ZDHHC14: variants seen among roughly 807,000 people sequenced by gnomAD.
ZDHHC14 encodes the protein palmitoyltransferase ZDHHC14.
In ZDHHC14, 16 loss-of-function variants were observed where a neutral mutation model predicts 47.7. The observed-to-expected ratio is 0.34, with a 90% confidence interval of 0.23 to 0.51. The LOEUF (loss-of-function observed/expected upper bound fraction) is 0.51, where lower values mean the gene tolerates loss of function less well. Among genes scored for constraint, ZDHHC14 ranks in the 20% least tolerant of loss-of-function variants. The probability of loss-of-function intolerance (pLI) is 0.97; values close to 1 mark genes in which losing one functional copy is unlikely to be tolerated. For missense variants in ZDHHC14, 515 were observed against 662.5 expected (o/e 0.78, Z 2.44); for synonymous variants, 293 against 278.9 (o/e 1.05, Z -0.50).
At chr6:157,500,517 G>C (rs1378968539) in intron 1 of ZDHHC14, among the ~76,000 whole-genome samples, 1 of 152,300 alleles carries the variant, frequency 6.6e-6, no homozygotes, top group African/African-American at 2.4e-5. Flanking sequence ...GTTGAGAGAC[G>C]AGGGTGGACT....
At chr6:157,549,193 C>T (rs1038591300) in intron 2 of ZDHHC14, among the ~76,000 whole-genome samples, 2 of 152,226 alleles carry the variant, frequency 1.3e-5, no homozygotes, top group Non-Finnish European at 2.9e-5. Context: ...TGGCACTTCC[C>T]CTTCCCATGG....
chr6:157,570,752 CAT>C (rs1221021327), intron 2 of ZDHHC14, among the ~76,000 whole-genome samples: 114 of 125,206 alleles, frequency 9.1e-4, no homozygotes, highest in African/African-American at 3.7e-3. Context: ...TATGTATATA[CAT>C]ACACACACAC....
At chr6:157,661,883 G>C (rs1216356781) in intron 8 of ZDHHC14, among the ~76,000 whole-genome samples, 1 of 152,076 alleles carries the variant, frequency 6.6e-6, no homozygotes, top group Non-Finnish European at 1.5e-5. Flanking sequence ...GAGTGCAGTG[G>C]TGCAATCTTA....
chr6:157,603,829 C>A (rs9365160), intron 3 of ZDHHC14, among the ~76,000 whole-genome samples: 44,492 of 151,730 alleles, frequency 0.29, 6,996 homozygotes, highest in East Asian at 0.56. Context: ...CTGAGACATG[C>A]AGTATCCCTT....
intron 1 of ZDHHC14, among the ~76,000 whole-genome samples, chr6:157,515,457 CTTTT>C (rs1187323622): frequency 7.7e-6 from 1 of 129,446 alleles, no homozygotes; most frequent in Non-Finnish European, 1.7e-5. Flanking sequence ...TTTTCTTTTT[CTTTT>C]TTTTTTTTTT....
chr6:157,670,855 G>C (rs1306932417), intron 8 of ZDHHC14, among the ~76,000 whole-genome samples: 2 of 152,184 alleles, frequency 1.3e-5, no homozygotes, highest in Non-Finnish European at 2.9e-5. Flanking sequence ...CTTGAAGACT[G>C]CAGCCCCTCA....
At position 157,635,006 on chromosome 6, in the gene ZDHHC14, C is replaced by T. The variant is rs552690444; in HGVS notation, c.752+2124C>T. Among the ~76,000 whole-genome samples, 1,421 of 148,172 alleles carry T rather than the reference C, an allele frequency of 9.6e-3. 23 individuals carry two copies. The highest frequency in any genetic ancestry group is 0.033 in the African/African-American group (1,324 of 40,464). ...TGCTACCTGGTCTTTTTTTTTTTTT[C>T]CCCCTGAAACGGAGTCTCACTCTGT... On this transcript the variant is annotated intron_variant, in intron 5 of 8. Transcript: ENST00000359775.
At chr6:157,528,671 G>T (rs565221560) in intron 1 of ZDHHC14, among the ~76,000 whole-genome samples, 1 of 152,210 alleles carries the variant, frequency 6.6e-6, no homozygotes, top group Non-Finnish European at 1.5e-5. Context: ...GGCGGAGCTT[G>T]TAGTGAGCCG....
chr6:157,446,528 G>C (rs71551114), intron 1 of ZDHHC14, among the ~76,000 whole-genome samples: 17,024 of 151,994 alleles, frequency 0.11, 1,412 homozygotes, highest in East Asian at 0.35. Flanking sequence ...TCCTGCCTCG[G>C]CCTCCCGAAT....
intron 1 of ZDHHC14, among the ~76,000 whole-genome samples, chr6:157,444,637 C>T (rs1339162204): frequency 6.6e-6 from 1 of 151,012 alleles, no homozygotes; most frequent in Non-Finnish European, 1.5e-5. Context: ...AAGATTGCAC[C>T]ATTGCACCCC....
intron 2 of ZDHHC14, among the ~76,000 whole-genome samples, chr6:157,558,384 G>A (rs927569608): frequency 2.6e-5 from 4 of 152,196 alleles, no homozygotes; most frequent in Non-Finnish European, 4.4e-5. Flanking sequence ...CAGGGAAACT[G>A]TTCAAGAGCC....
intron 2 of ZDHHC14, among the ~76,000 whole-genome samples, chr6:157,565,535 C>T (rs1236866511): frequency 6.6e-6 from 1 of 152,102 alleles, no homozygotes; most frequent in African/African-American, 2.4e-5. Context: ...AGATTGGGTA[C>T]AGGCCAGATG....
intron 1 of ZDHHC14, among the ~76,000 whole-genome samples, chr6:157,391,909 T>C (rs1339570858): frequency 6.6e-6 from 1 of 152,260 alleles, no homozygotes; most frequent in Non-Finnish European, 1.5e-5. Context: ...TTTTTGCATA[T>C]ATATGTAATT....
At chr6:157,658,152 G>A (rs565387974) in intron 8 of ZDHHC14, among the ~76,000 whole-genome samples, 2 of 152,156 alleles carry the variant, frequency 1.3e-5, no homozygotes, top group African/African-American at 4.8e-5. Context: ...TGGAGCAACC[G>A]GAAAATAATA....
At position 157,647,424 on chromosome 6, in the gene ZDHHC14, G is replaced by T; in HGVS notation, c.965+56G>T. On this transcript the variant is annotated intron_variant, in intron 7 of 8. Transcript: ENST00000359775. The stretch of plus-strand genomic sequence containing the variant: ...CAGACCTTGGAAAACCGAATGCCTC[G>T]GCCGTTAGCACAGGCCGCCCGCCCT... The T allele has an allele frequency of 2.1e-6, 3 of 1,440,370 alleles. No individual in the cohort carries two copies. In the South Asian group the frequency reaches 3.7e-5, roughly 18 times the overall value. The allele number at this position is 1,440,370 out of a possible 1,614,324, so 89.2% of individuals were successfully genotyped here.
intron 1 of ZDHHC14, among the ~76,000 whole-genome samples, chr6:157,384,982 A>C (rs1777282912): frequency 6.6e-6 from 1 of 152,166 alleles, no homozygotes; most frequent in Non-Finnish European, 1.5e-5. Flanking sequence ...GAGTCTGCCT[A>C]TGTTCCCCAG....
At chr6:157,402,580 C>A (rs146973081) in intron 1 of ZDHHC14, among the ~76,000 whole-genome samples, 10 of 152,330 alleles carry the variant, frequency 6.6e-5, no homozygotes, top group African/African-American at 2.4e-4. Context: ...TCCCTATCAT[C>A]GTGTCAACAA....
At chr6:157,579,099 G>A (rs1783413260) in intron 2 of ZDHHC14, among the ~76,000 whole-genome samples, 1 of 149,738 alleles carries the variant, frequency 6.7e-6, no homozygotes, top group South Asian at 2.1e-4. Flanking sequence ...TTTGAATTTT[G>A]TGAAGAATGT....
chr6:157,484,302 T>G (rs1208965370), intron 1 of ZDHHC14, among the ~76,000 whole-genome samples: 1 of 117,026 alleles, frequency 8.5e-6, no homozygotes, highest in African/African-American at 2.9e-5. Flanking sequence ...TGTATATATA[T>G]ATACATATAT....
Sources: gnomAD v4.1 joint callset for allele counts (sites outside exome capture counted in the v4.1 genomes callset) on GRCh38, gnomAD v4.1.1 for gene constraint, MANE v1.5 for transcripts, NCBI Gene and HGNC (gene_info 2026-07-23, HGNC 2026-07-21) for gene names.